DCC: variants seen among roughly 807,000 people sequenced by gnomAD.
DCC encodes netrin receptor DCC.
DCC carries 58 observed loss-of-function variants against 172.5 expected under a neutral mutation model. The observed-to-expected ratio is 0.34, with a 90% confidence interval of 0.27 to 0.42. The LOEUF (loss-of-function observed/expected upper bound fraction) is 0.42. DCC is among the 10% of genes least tolerant of loss of function. The probability of loss-of-function intolerance (pLI) is 1.00; values close to 1 mark genes in which losing one functional copy is unlikely to be tolerated. For synonymous variants in DCC, 709 were observed against 644.5 expected (o/e 1.10, Z -1.52); for missense variants, 1,740 against 1,791.0 (o/e 0.97, Z 0.51).
At chr18:52,713,033 T>C (rs2036320509) in intron 1 of DCC, among the ~76,000 whole-genome samples, 3 of 152,114 alleles carry the variant, frequency 2.0e-5, no homozygotes, top group Admixed American at 1.3e-4. Context: ...ATTTTCCTAA[T>C]TGGTAGAGAG....
At chr18:53,006,950 T>C (rs572169407) in intron 5 of DCC, among the ~76,000 whole-genome samples, 36 of 152,328 alleles carry the variant, frequency 2.4e-4, no homozygotes, top group South Asian at 1.5e-3. Context: ...ATAGCATGTG[T>C]TGTACCATCA....
chr18:53,151,738 A>G (rs1489610284), intron 7 of DCC, among the ~76,000 whole-genome samples: 1 of 152,152 alleles, frequency 6.6e-6, no homozygotes, highest in African/African-American at 2.4e-5. Flanking sequence ...TATTTTATAA[A>G]ATCTACATTT....
At position 53,207,820 on chromosome 18, in the gene DCC, A is replaced by G. The variant is rs1197670033; in HGVS notation, c.1861+3A>G. The G allele has an allele frequency of 2.5e-6, 4 of 1,609,994 alleles. No homozygotes were observed. The Admixed American group carries it at 5.0e-5, about 20-fold the overall frequency. On this transcript the variant is annotated splice_donor_region_variant and intron_variant, in intron 11 of 28. Coordinates refer to ENST00000442544, the MANE Select transcript of DCC (RefSeq NM_005215.4). ...AACAGTGGTTACACTTTCTGACGGT[A>G]AGTTAAAAACAGTGAAACTCCTTTT...
At chr18:53,319,642 G>T (rs1302310040) in intron 13 of DCC, among the ~76,000 whole-genome samples, 1 of 152,230 alleles carries the variant, frequency 6.6e-6, no homozygotes, top group Non-Finnish European at 1.5e-5. Context: ...GCAAGGAATT[G>T]GTTTAAGTGG....
intron 7 of DCC, among the ~76,000 whole-genome samples, chr18:53,123,131 A>C (rs185635558): frequency 5.3e-4 from 81 of 152,198 alleles, no homozygotes; most frequent in African/African-American, 1.9e-3. Context: ...TGTCATAACA[A>C]GTTACTATAA....
At chr18:53,348,895 G>C (rs2057755136) in intron 15 of DCC, among the ~76,000 whole-genome samples, 1 of 152,190 alleles carries the variant, frequency 6.6e-6, no homozygotes, top group African/African-American at 2.4e-5. Context: ...ATCCAGGCCT[G>C]TCATGGGAGG....
chr18:53,142,305 T>C (rs552066942), intron 7 of DCC, among the ~76,000 whole-genome samples: 2 of 152,336 alleles, frequency 1.3e-5, no homozygotes, highest in African/African-American at 4.8e-5. Flanking sequence ...GGGCCTGTGT[T>C]TGGAAGTCGG....
At chr18:53,204,813 T>C (rs983576359) in intron 9 of DCC, among the ~76,000 whole-genome samples, 1 of 152,160 alleles carries the variant, frequency 6.6e-6, no homozygotes, top group Admixed American at 6.6e-5. Flanking sequence ...AACCATAATA[T>C]ACAAGTACTC....
At chr18:52,728,183 C>T (rs1249064676) in intron 1 of DCC, among the ~76,000 whole-genome samples, 5 of 152,046 alleles carry the variant, frequency 3.3e-5, no homozygotes, top group Non-Finnish European at 7.4e-5. Context: ...GTCTCTCTCT[C>T]TCTCTCTCTC....
chr18:52,854,639 T>C (rs1355302938), intron 2 of DCC, among the ~76,000 whole-genome samples: 1 of 152,232 alleles, frequency 6.6e-6, no homozygotes, highest in Non-Finnish European at 1.5e-5. Flanking sequence ...ATGCCACAGG[T>C]AACTATTCTT....
intron 5 of DCC, 112 bp from the exon 6 acceptor site, chr18:53,063,193 A>G: frequency 9.9e-7 from 1 of 1,010,184 alleles, no homozygotes; most frequent in South Asian, 1.3e-5. Flanking sequence ...AATGATTTGA[A>G]TTATAAATAT....
At chr18:52,806,321 T>A (rs952435159) in intron 2 of DCC, among the ~76,000 whole-genome samples, 1 of 152,214 alleles carries the variant, frequency 6.6e-6, no homozygotes, top group Non-Finnish European at 1.5e-5. Context: ...TGAACTTACA[T>A]TGATACATCA....
chr18:52,610,173 AAAAAAAT>A (rs2034235832), intron 1 of DCC, among the ~76,000 whole-genome samples: 1 of 22,626 alleles, frequency 4.4e-5, no homozygotes, highest in Non-Finnish European at 7.7e-5. Context: ...AAAAAAAAAA[AAAAAAAT>A]ATATATATAT....
intron 12 of DCC, among the ~76,000 whole-genome samples, chr18:53,300,197 G>A (rs1347510439): frequency 6.6e-6 from 1 of 152,110 alleles, no homozygotes. Flanking sequence ...TTCTGTAGTT[G>A]CAAAGTTGCC....
intron 1 of DCC, among the ~76,000 whole-genome samples, chr18:52,597,427 T>A (rs1215537512): frequency 6.6e-6 from 1 of 152,222 alleles, no homozygotes; most frequent in African/African-American, 2.4e-5. Flanking sequence ...CATTTCACTG[T>A]CAACTGGCAG....
At chr18:53,285,304 A>G (rs1179119755) in intron 12 of DCC, among the ~76,000 whole-genome samples, 1 of 152,160 alleles carries the variant, frequency 6.6e-6, no homozygotes, top group South Asian at 2.1e-4. Context: ...GGCTGGGCTC[A>G]GGGTCCCTCT....
At position 52,547,148 on chromosome 18, in the gene DCC, G is replaced by A. The variant is rs183119040; in HGVS notation, c.92-204906G>A. ...AAAATGTCACTGAATTTATGCTGAC[G>A]TGACTATAATCTTCAAGTCTTATCC... is the stretch of plus-strand genomic sequence containing the variant. On this transcript the variant is annotated intron_variant, in intron 1 of 28. Coordinates refer to ENST00000442544, the MANE Select transcript of DCC (RefSeq NM_005215.4). Among the ~76,000 whole-genome samples the A allele has an allele frequency of 2.6e-5, 4 of 152,280 alleles. No homozygotes were observed. In the East Asian group the frequency reaches 5.8e-4, roughly 22 times the overall value.
intron 25 of DCC, among the ~76,000 whole-genome samples, chr18:53,479,130 T>C (rs1407149216): frequency 6.6e-6 from 1 of 152,206 alleles, no homozygotes; most frequent in African/African-American, 2.4e-5. Context: ...TTTTCAACTA[T>C]TCAGAACTGT....
Position 53,199,301 on chromosome 18 carries a change from G to C in DCC, c.1574-5915G>C, listed in dbSNP as rs530588680. 2.0e-5 allele frequency among the ~76,000 whole-genome samples: 3 copies of C among 151,950 alleles called. No individual in the cohort carries two copies. The South Asian group carries it at 6.3e-4, about 32-fold the overall frequency. ...AGATGGAGTATCATCTTGTTGGCCA[G>C]GCTGGTCTTGAACTCCTGGCCTCAA... On this transcript the variant is annotated intron_variant, in intron 9 of 28. Transcript: ENST00000442544.
Sources: gnomAD v4.1 joint callset for allele counts (sites outside exome capture counted in the v4.1 genomes callset) on GRCh38, gnomAD v4.1.1 for gene constraint, MANE v1.5 for transcripts, NCBI Gene and HGNC (gene_info 2026-07-23, HGNC 2026-07-21) for gene names.